N4BP3: variants seen among roughly 807,000 people sequenced by gnomAD.
N4BP3 encodes the protein NEDD4-binding protein 3.
A neutral mutation model predicts 43.8 loss-of-function variants in N4BP3; 33 were observed. That is an observed-to-expected ratio of 0.75 (90% confidence interval 0.57 to 1.01). The LOEUF is 1.01. Ranked by LOEUF, N4BP3 falls within the 50% of genes least tolerant of loss-of-function variation. N4BP3 has a pLI of 0.00. For missense variants in N4BP3, 756 were observed against 744.2 expected (o/e 1.02, Z -0.18); for synonymous variants, 326 against 321.9 (o/e 1.01, Z -0.14).
intron 1 of N4BP3, among the ~76,000 whole-genome samples, chr5:178,116,776 AG>A (rs1312563888): frequency 6.6e-6 from 1 of 152,058 alleles, no homozygotes; most frequent in Admixed American, 6.6e-5. Flanking sequence ...TCCTCGAGAC[AG>A]GAAGTGAGCA....
intron 1 of N4BP3, among the ~76,000 whole-genome samples, chr5:178,114,032 C>T (rs1757710906): frequency 1.3e-5 from 2 of 152,188 alleles, no homozygotes; most frequent in African/African-American, 2.4e-5. Context: ...CTACCTTGCT[C>T]TCCCCAACCC....
chr5:178,120,960 C>T (rs116794962), intron 3 of N4BP3, 138 bp from the exon 4 acceptor site: 23,003 of 1,285,046 alleles, frequency 0.018, 306 homozygotes, highest in East Asian at 0.06. Context: ...TGGAGGGCAT[C>T]CCGGGTTAAA....
rs1757908265 is a variant in N4BP3 at position 178,121,087 on chromosome 5, C to CCCT, written c.853-9_853-8insTCC. The CCCT allele has an allele frequency of 5.0e-6, 8 of 1,595,368 alleles. No homozygotes were observed. In the East Asian group the frequency reaches 6.7e-5, roughly 13 times the overall value. ...CAGGGCCACGGTGGATGCATCTCTT[C>CCCT]CCCTTGACAGGTGCTGGAGGAGCGC... On this transcript the variant is annotated splice_polypyrimidine_tract_variant and intron_variant, in intron 3 of 4. Transcript: ENST00000274605.
intron 1 of N4BP3, among the ~76,000 whole-genome samples, chr5:178,116,797 C>T (rs577646938): frequency 3.9e-5 from 6 of 152,200 alleles, no homozygotes; most frequent in South Asian, 4.1e-4. Flanking sequence ...ATCTGCCCAC[C>T]GGAAGCTGAG....
rs148573796 is a variant in N4BP3 at position 178,120,678 on chromosome 5, C to T, written c.831C>T (p.Asp277=). 3.8e-6 allele frequency: 6 copies of T among 1,596,320 alleles called. No individual in the cohort carries two copies. Among genetic ancestry groups the T allele is most frequent in the East Asian group, 4.5e-5 (2 of 44,776 alleles). ...TCAAGAGGGGCCTTGGCGATGAGGA[C>T]GGCTCCAACCCCTTCACGCAGGTGA... ...EELKRGLGDE[D]GSNPFTQVLE... Residue 277 remains aspartate, a synonymous_variant, in exon 3 of 5, where the codon GAC becomes GAT. Coordinates refer to ENST00000274605, the MANE Select transcript of N4BP3 (RefSeq NM_015111.2).
chr5:178,120,010 A>G (rs932036721), intron 2 of N4BP3, 97 bp downstream of exon 2: 2 of 1,477,622 alleles, frequency 1.4e-6, no homozygotes, highest in Non-Finnish European at 1.8e-6. Flanking sequence ...GCATGCTGAG[A>G]TACGAAAATC....
rs1394118527 is a variant in N4BP3, at chr5:178,121,723, C to T, written c.1357C>T (p.Leu453=). ...ETDDCKSRGL[L]GEAGGSEARD... ...TGATGACTGCAAGAGCAGGGGCCTG[C>T]TAGGGGAGGCAGGAGGCAGCGAGGC... The change falls in exon 5 of 5, where the codon CTA becomes TTA. Residue 453 remains leucine, a synonymous_variant. Coordinates refer to ENST00000274605, the MANE Select transcript of N4BP3 (RefSeq NM_015111.2). The T allele has an allele frequency of 3.1e-6, 5 of 1,608,830 alleles. No individual in the cohort carries two copies. Among genetic ancestry groups the T allele is most frequent in the South Asian group, 2.2e-5 (2 of 91,084 alleles).
In N4BP3 at chr5:178,122,148, G is replaced by T; in HGVS notation, c.*147G>T. ...GCAAGGAGAGGAGGGATCCAGTGGGGCCGTGGGCTGGGTAGGGTGCCTTGG... is the reference window on the plus strand; with the variant it reads ...GCAAGGAGAGGAGGGATCCAGTGGGTCCGTGGGCTGGGTAGGGTGCCTTGG... On this transcript the variant is annotated 3_prime_UTR_variant, in exon 5 of 5. Coordinates refer to ENST00000274605, the MANE Select transcript of N4BP3 (RefSeq NM_015111.2). 1 of 1,058,216 alleles carries T rather than the reference G, an allele frequency of 9.4e-7. No homozygotes were observed. Among genetic ancestry groups the T allele is most frequent in the South Asian group, 1.7e-5 (1 of 58,714 alleles). 65.6% of individuals were successfully genotyped at this position (1,058,216 alleles called of 1,614,324 possible). A position where few individuals can be genotyped will look rare whatever the true frequency, so the allele number is the denominator to read the frequency against.
chr5:178,124,955 G>A lies in N4BP3; in HGVS notation c.*2954G>A, dbSNP rs1329291219. On this transcript the variant is annotated 3_prime_UTR_variant, in exon 5 of 5. Coordinates refer to ENST00000274605, the MANE Select transcript of N4BP3 (RefSeq NM_015111.2). ...TTTGCCTGTCTCCTTTGAGCTGTGG[G>A]CATTGCCGGGGTAGGGTGGTGTCTT... 2 of 152,294 alleles carry A rather than the reference G, an allele frequency of 1.3e-5. No individual in the cohort carries two copies. The highest frequency in any genetic ancestry group is 1.3e-4 in the Admixed American group (2 of 15,276). 9.4% of individuals were successfully genotyped at this position (152,294 alleles called of 1,614,324 possible). A position where few individuals can be genotyped will look rare whatever the true frequency, so the allele number is the denominator to read the frequency against.
rs1330333755 is a variant in N4BP3 at position 178,122,122 on chromosome 5, C to A, written c.*121C>A. 4 of 1,281,548 alleles carry A rather than the reference C, an allele frequency of 3.1e-6. No individual in the cohort carries two copies. Among genetic ancestry groups the A allele is most frequent in the East Asian group, 5.1e-5 (2 of 39,044 alleles). The allele number at this position is 1,281,548 out of a possible 1,614,324, so 79.4% of individuals were successfully genotyped here. A position where few individuals can be genotyped will look rare whatever the true frequency, so the allele number is the denominator to read the frequency against. On this transcript the variant is annotated 3_prime_UTR_variant, in exon 5 of 5. Transcript: ENST00000274605. ...AGAGGCCAGCCCGGGGCTGGGGAGG[C>A]GCAAGGAGAGGAGGGATCCAGTGGG...
rs769524577 is a variant in N4BP3, at chr5:178,120,573, C to T, written c.726C>T (p.Pro242=). The T allele has an allele frequency of 4.0e-5, 65 of 1,612,858 alleles. No individual in the cohort carries two copies. The highest frequency in any genetic ancestry group is 1.6e-4 in the Middle Eastern group (1 of 6,084). ...AGPPAVLSCL[P]EPPPPYEFSC... ...CACCAGCTGTGCTGAGCTGCCTGCCCGAGCCACCACCCCCCTACGAGTTCT... is the reference window on the plus strand; with the variant it reads ...CACCAGCTGTGCTGAGCTGCCTGCCTGAGCCACCACCCCCCTACGAGTTCT... Residue 242 remains proline (P), a synonymous_variant, in exon 3 of 5, where the codon CCC becomes CCT. Coordinates refer to ENST00000274605, the MANE Select transcript of N4BP3 (RefSeq NM_015111.2).
downstream of N4BP3, among the ~76,000 whole-genome samples, chr5:178,126,472 T>C (rs1425110027): frequency 1.3e-5 from 2 of 151,626 alleles, no homozygotes; most frequent in African/African-American, 4.8e-5. Flanking sequence ...GCCACGGCGC[T>C]TGGCCCACCC....
chr5:178,116,309 T>C (rs567366666), intron 1 of N4BP3, among the ~76,000 whole-genome samples: 1 of 152,252 alleles, frequency 6.6e-6, no homozygotes, highest in South Asian at 2.1e-4. Context: ...GAAAAGAGAC[T>C]GTCCCCACTC....
In N4BP3 at chr5:178,119,879, A is replaced by G; in HGVS notation, c.296A>G (p.Lys99Arg). 6.2e-7 allele frequency: 1 copy of G among 1,611,448 alleles called. No individual in the cohort carries two copies. Among genetic ancestry groups the G allele is most frequent in the Non-Finnish European group, 8.5e-7 (1 of 1,179,766 alleles). The change falls in exon 2 of 5, where the codon AAG (lysine) becomes AGG (arginine). Residue 99 changes from lysine (K) to arginine (R), a missense_variant. Lys to Arg is a conservative substitution (Grantham distance 26). Coordinates refer to ENST00000274605, the MANE Select transcript of N4BP3 (RefSeq NM_015111.2). ...CATTCTCGCGCGGGTGACTTCAGCA[A>G]GACCTCGCTGCCAGAACGGGGTCGC... ...REHSRAGDFS[K>R]TSLPERGRFD...
In N4BP3 at chr5:178,118,370, TAA is replaced by T. The variant is rs922161234; in HGVS notation, c.-30-1183_-30-1182del. ...CCCCATCCTCCCAGCATCCCAGTGA[TAA>T]GTGTTATTGTCGCCAGGGTGTGTGT... On this transcript the variant is annotated intron_variant, in intron 1 of 4. Coordinates refer to ENST00000274605, the MANE Select transcript of N4BP3 (RefSeq NM_015111.2). This position sits in a 1 kb window ranked among gnomAD's most constrained non-coding sequence, Gnocchi z 5.4. Among the ~76,000 whole-genome samples, 17 of 152,326 alleles carry T rather than the reference TAA, an allele frequency of 1.1e-4. No homozygotes were observed. Among genetic ancestry groups the T allele is most frequent in the Non-Finnish European group, 1.9e-4 (13 of 68,020 alleles).
chr5:178,116,163 C>T (rs1757767334), intron 1 of N4BP3, among the ~76,000 whole-genome samples: 1 of 152,194 alleles, frequency 6.6e-6, no homozygotes, highest in Non-Finnish European at 1.5e-5. Flanking sequence ...TCCTCCCCCA[C>T]CAAATCCCCT....
chr5:178,119,980 T>G, intron 2 of N4BP3, 67 bp downstream of exon 2: 2 of 1,497,168 alleles, frequency 1.3e-6, no homozygotes, highest in Non-Finnish European at 1.8e-6. Flanking sequence ...ACCCTGATGT[T>G]GGGATGGGGT....
rs1231133291 is a variant in N4BP3 at position 178,119,702 on chromosome 5, G to A, written c.119G>A (p.Arg40His). 7.4e-6 allele frequency: 12 copies of A among 1,612,688 alleles called. No homozygotes were observed. The highest frequency in any genetic ancestry group is 3.3e-5 in the Admixed American group (2 of 59,916). ...GCACTTGCCGGGTCTCGGGGCTCCC[G>A]CCAGCCTGATGGGCTCCTCCGGAAG... ...RAALAGSRGS[R>H]QPDGLLRKGL... The change falls in exon 2 of 5, where the codon CGC (arginine) becomes CAC (histidine). Residue 40 changes from arginine to histidine, a missense_variant. Physicochemically the swap from Arg to His is conservative, Grantham distance 29 (BLOSUM62 0). Transcript: ENST00000274605.
intron 1 of N4BP3, among the ~76,000 whole-genome samples, chr5:178,114,796 G>A (rs1038692324): frequency 6.6e-6 from 1 of 152,236 alleles, no homozygotes; most frequent in African/African-American, 2.4e-5. Flanking sequence ...CCATGAGGCA[G>A]GTTTCCTCTA....
Sources: gnomAD v4.1 joint callset for allele counts (sites outside exome capture counted in the v4.1 genomes callset) on GRCh38, gnomAD v4.1.1 for gene constraint, Gnocchi (gnomAD v3.1) non-coding constraint, MANE v1.5 for transcripts, NCBI Gene and HGNC (gene_info 2026-07-23, HGNC 2026-07-21) for gene names.